NOP9: variants seen among roughly 807,000 people sequenced by gnomAD.
NOP9 encodes the protein nucleolar protein 9.
NOP9 carries 50 observed loss-of-function variants against 63.0 expected under a neutral mutation model. The observed-to-expected ratio is 0.79, with a 90% CI of 0.63 to 1.00. NOP9 has a LOEUF of 1.00. NOP9 is among the 50% of genes least tolerant of loss of function. The pLI is 0.00. For synonymous variants in NOP9, 343 were observed against 332.8 expected, an observed-to-expected ratio of 1.03 and a Z score of -0.33; for missense variants, 758 against 803.0, an observed-to-expected ratio of 0.94 and a Z score of 0.68.
At chr14:24,292,348 G>A in the NOP9 span, 1,251 of 1,613,444 alleles carry the variant, frequency 7.8e-4, 1 homozygote, top group Non-Finnish European at 9.7e-4. Context: ...GAGGCGGAAG[G>A]CAGGGTAAGA....
chr14:24,302,555 G>A (rs1228315541), intron 5 of NOP9, 131 bp downstream of exon 5: 23 of 913,148 alleles, frequency 2.5e-5, no homozygotes, highest in Non-Finnish European at 3.4e-5. Context: ...ATTCTTTGAG[G>A]TTTTCCAGAG....
upstream of NOP9, among the ~76,000 whole-genome samples, chr14:24,297,694 A>C (rs1288656256): frequency 6.6e-6 from 1 of 151,826 alleles, no homozygotes; most frequent in African/African-American, 2.4e-5. Context: ...GTCTTCCAAG[A>C]CCCACTCTTT....
In NOP9 at chr14:24,306,396, C is replaced by T. The variant is rs1245907180; in HGVS notation, c.*1301C>T. On this transcript the variant is annotated 3_prime_UTR_variant, in exon 10 of 10. Coordinates refer to ENST00000267425, the MANE Select transcript of NOP9 (RefSeq NM_174913.3). ...TACCCTTGTAGGGCTCCAGCTCTGA[C>T]CAGACTGCAACACCATCAGGCACGT... The T allele has an allele frequency of 6.2e-7, 1 of 1,614,242 alleles. No homozygotes were observed. The highest frequency in any genetic ancestry group is 1.1e-5 in the South Asian group (1 of 91,088).
At chr14:24,277,075 G>A in the NOP9 span, among the ~76,000 whole-genome samples, 3 of 152,200 alleles carry the variant, frequency 2.0e-5, no homozygotes, top group Non-Finnish European at 4.4e-5. Context: ...TGAGGATGGA[G>A]AAGGACTATT....
Position 24,307,484 on chromosome 14 carries a change from G to T in NOP9, c.*2389G>T, listed in dbSNP as rs150899829. The T allele has an allele frequency of 1.9e-6, 3 of 1,614,030 alleles. No homozygotes were observed. The highest frequency in any genetic ancestry group is 2.2e-5 in the South Asian group (2 of 91,080). ...GGTGGAGCTGAGGTCCAGACCCTCC[G>T]TCCAAACTCCGAGCTTATATTAGAT... On this transcript the variant is annotated 3_prime_UTR_variant, in exon 10 of 10. Coordinates refer to ENST00000267425, the MANE Select transcript of NOP9 (RefSeq NM_174913.3).
At chr14:24,272,439 C>G in the NOP9 span, among the ~76,000 whole-genome samples, 1 of 152,114 alleles carries the variant, frequency 6.6e-6, no homozygotes, top group African/African-American at 2.4e-5. Flanking sequence ...GCACTATTTC[C>G]TCCTCACTTC....
chr14:24,293,459 A>C, the NOP9 span: 1 of 152,122 alleles, frequency 6.6e-6, no homozygotes, highest in Admixed American at 6.6e-5. Context: ...CTATAGTCCC[A>C]GCTACTCGGG....
At chr14:24,286,903 A>C in the NOP9 span, among the ~76,000 whole-genome samples, 1 of 127,274 alleles carries the variant, frequency 7.9e-6, no homozygotes, top group Non-Finnish European at 1.7e-5. Context: ...GCCTATTTTT[A>C]TTTTTAGACA....
At chr14:24,283,312 A>G in the NOP9 span, among the ~76,000 whole-genome samples, 4 of 152,140 alleles carry the variant, frequency 2.6e-5, no homozygotes, top group Non-Finnish European at 5.9e-5. Flanking sequence ...CATCAAGGCC[A>G]GGCATGGTGG....
chr14:24,278,116 G>A, the NOP9 span, among the ~76,000 whole-genome samples: 2 of 152,194 alleles, frequency 1.3e-5, no homozygotes, highest in African/African-American at 2.4e-5. Flanking sequence ...GCAGAGCACA[G>A]CGTTATAGCG....
chr14:24,276,213 C>T, the NOP9 span, among the ~76,000 whole-genome samples: 7 of 151,786 alleles, frequency 4.6e-5, no homozygotes, highest in African/African-American at 1.7e-4. Flanking sequence ...GCCATCTCTA[C>T]TAAAAATACA....
intron 2 of NOP9, among the ~76,000 whole-genome samples, chr14:24,301,173 A>C (rs562730155): frequency 1.3e-5 from 2 of 152,304 alleles, no homozygotes; most frequent in Admixed American, 1.3e-4. Flanking sequence ...AAAGTTCAGG[A>C]AACTATACCC....
the NOP9 span, among the ~76,000 whole-genome samples, chr14:24,287,190 C>T: frequency 6.6e-6 from 1 of 152,216 alleles, no homozygotes; most frequent in Non-Finnish European, 1.5e-5. Context: ...CGTGCCCGGT[C>T]CCCACTCTGT....
rs201940616 is a variant in NOP9, at chr14:24,300,779, G to T, written c.619G>T (p.Val207Phe). Residue 207 changes from valine (V) to phenylalanine (F), a missense_variant, in exon 2 of 10, where the codon GTC (valine) becomes TTC (phenylalanine). Coordinates refer to ENST00000267425, the MANE Select transcript of NOP9 (RefSeq NM_174913.3). ...TGGAGACACACATGGCAGCTTCGTGGTCAGAACTCTGCTTCAGGTGTTAGG... is the reference window on the plus strand; with the variant it reads ...TGGAGACACACATGGCAGCTTCGTGTTCAGAACTCTGCTTCAGGTGTTAGG... Reference protein sequence around the residue: ...YCGDTHGSFVVRTLLQVLGGT... With the variant: ...YCGDTHGSFVFRTLLQVLGGT... 121 of 1,614,210 alleles carry T rather than the reference G, an allele frequency of 7.5e-5. 1 individual carries two copies. In the Middle Eastern group the frequency reaches 4.1e-3, roughly 55 times the overall value.
chr14:24,288,863 G>C, the NOP9 span, among the ~76,000 whole-genome samples: 2 of 151,928 alleles, frequency 1.3e-5, no homozygotes, highest in African/African-American at 4.8e-5. Context: ...TTGTTTTTTT[G>C]AGACTGGGTC....
At chr14:24,292,453 G>C in the NOP9 span, 187 of 1,481,448 alleles carry the variant, frequency 1.3e-4, no homozygotes, top group Middle Eastern at 4.6e-4. Context: ...CAAGGTCTCA[G>C]CTGCCCACGC....
At chr14:24,272,358 C>T in the NOP9 span, among the ~76,000 whole-genome samples, 1 of 152,216 alleles carries the variant, frequency 6.6e-6, no homozygotes, top group African/African-American at 2.4e-5. Context: ...CTCCAAAAGC[C>T]AAAAGGTATA....
At chr14:24,303,681 G>A in intron 6 of NOP9, 51 bp from the exon 7 acceptor site, 3 of 1,582,228 alleles carry the variant, frequency 1.9e-6, no homozygotes, top group Non-Finnish European at 2.6e-6. Flanking sequence ...TAAAGTTGAG[G>A]TAAGGGACGG....
At chr14:24,271,278 G>A in the NOP9 span, 3 of 897,756 alleles carry the variant, frequency 3.3e-6, no homozygotes, top group South Asian at 6.7e-5. Context: ...GTGTAAAGAG[G>A]TCCTGGGACA....
Sources: gnomAD v4.1 joint callset for allele counts (sites outside exome capture counted in the v4.1 genomes callset) on GRCh38, gnomAD v4.1.1 for gene constraint, MANE v1.5 for transcripts, NCBI Gene and HGNC (gene_info 2026-07-23, HGNC 2026-07-21) for gene names.